Variants in ATAT1 observed in about 807,000 individuals in gnomAD.
The protein encoded by ATAT1 is alpha-tubulin N-acetyltransferase 1.
Under a neutral mutation model 57.2 loss-of-function variants are expected in ATAT1, and 42 were observed. The observed-to-expected ratio is 0.73, with a 90% CI of 0.57 to 0.95. The LOEUF is 0.95. ATAT1 is among the 40% of genes least tolerant of loss of function. The pLI is 0.00. For missense variants in ATAT1, 454 were observed against 523.7 expected (o/e 0.87, Z 1.30); for synonymous variants, 168 against 187.1 (o/e 0.90, Z 0.83).
intron 10 of ATAT1, among the ~76,000 whole-genome samples, chr6:30,645,446 T>C (rs1262347669): frequency 6.6e-6 from 1 of 152,022 alleles, no homozygotes; most frequent in East Asian, 1.9e-4. Context: ...GATCTCCTGA[T>C]CACGTGATCT....
intron 10 of ATAT1, among the ~76,000 whole-genome samples, chr6:30,645,337 T>A (rs1258935709): frequency 1.3e-5 from 2 of 151,934 alleles, no homozygotes; most frequent in East Asian, 3.9e-4. Flanking sequence ...TGCCTTAGCC[T>A]CCCAAGTAGC....
At chr6:30,638,575 G>A (rs1226036513) in intron 6 of ATAT1, among the ~76,000 whole-genome samples, 2 of 140,346 alleles carry the variant, frequency 1.4e-5, no homozygotes, top group African/African-American at 5.2e-5. Context: ...TGGCCCCCGA[G>A]TTTTTTTTTT....
intron 1 of ATAT1, 158 bp from the exon 2 acceptor site, chr6:30,627,302 G>C: frequency 6.2e-7 from 1 of 1,613,654 alleles, no homozygotes; most frequent in African/African-American, 1.3e-5. Flanking sequence ...GTTTCAGAAG[G>C]GTGGGGTGGG....
chr6:30,629,306 C>T (rs56248798), intron 6 of ATAT1, among the ~76,000 whole-genome samples: 3,968 of 150,710 alleles, frequency 0.026, 83 homozygotes, highest in Non-Finnish European at 0.038. Context: ...TGCAGTGGCA[C>T]GATCACAGCT....
chr6:30,637,713 C>T (rs1161470674), intron 6 of ATAT1, among the ~76,000 whole-genome samples: 2 of 151,408 alleles, frequency 1.3e-5, no homozygotes, highest in East Asian at 2.0e-4. Flanking sequence ...CGCATTGGCT[C>T]GCGCCTGTAA....
intron 2 of ATAT1, 55 bp downstream of exon 2, chr6:30,627,575 T>C: frequency 6.2e-7 from 1 of 1,606,592 alleles, no homozygotes; most frequent in Non-Finnish European, 8.5e-7. Flanking sequence ...GGATGGTATA[T>C]AAGGGAGGCC....
intron 6 of ATAT1, among the ~76,000 whole-genome samples, chr6:30,635,599 A>G (rs995690592): frequency 3.9e-5 from 6 of 152,192 alleles, no homozygotes; most frequent in Admixed American, 1.3e-4. Context: ...AAAAAAAAAA[A>G]AAAAGAAAAG....
chr6:30,631,213 G>A (rs1762795350), intron 6 of ATAT1, among the ~76,000 whole-genome samples: 1 of 152,116 alleles, frequency 6.6e-6, no homozygotes, highest in Non-Finnish European at 1.5e-5. Flanking sequence ...GCCGGGCACG[G>A]TGGCTCATGC....
At chr6:30,638,067 C>T (rs1276753550) in intron 6 of ATAT1, among the ~76,000 whole-genome samples, 5 of 151,704 alleles carry the variant, frequency 3.3e-5, no homozygotes, top group Non-Finnish European at 7.4e-5. Flanking sequence ...TTAGTAGAGA[C>T]GGGGTTTCAC....
At chr6:30,641,886 C>T (rs1765528908) in intron 8 of ATAT1, 4 of 1,238,234 alleles carry the variant, frequency 3.2e-6, no homozygotes, top group Non-Finnish European at 1.0e-6. Context: ...AGCTCACTTC[C>T]CTTGGCTGCC....
intron 10 of ATAT1, among the ~76,000 whole-genome samples, chr6:30,645,564 C>A (rs1054743243): frequency 6.6e-6 from 1 of 152,096 alleles, no homozygotes; most frequent in African/African-American, 2.4e-5. Flanking sequence ...AAACCAAACA[C>A]CAGAGTACCC....
rs376794288 is a variant in ATAT1 at position 30,639,004 on chromosome 6, G to A, written c.502-1373G>A. 3.1e-4 allele frequency among the ~76,000 whole-genome samples: 47 copies of A among 152,098 alleles called. 1 individual carries two copies. In the South Asian group the frequency reaches 6.2e-3, roughly 20 times the overall value. On this transcript the variant is annotated intron_variant, in intron 6 of 12. Transcript: ENST00000330083. Reference sequence around the variant, plus strand: ...TATTTATTTATTTATCCTTTGAGACGGAGTCTCATTCTCTTGCCCAGGCTG... The same window carrying A: ...TATTTATTTATTTATCCTTTGAGACAGAGTCTCATTCTCTTGCCCAGGCTG...
intron 10 of ATAT1, among the ~76,000 whole-genome samples, chr6:30,645,450 G>A (rs377381686): frequency 5.4e-4 from 82 of 152,188 alleles, no homozygotes; most frequent in East Asian, 5.2e-3. Context: ...TCCTGATCAC[G>A]TGATCTGCCC....
At chr6:30,646,419 T>C (rs1329198428) in intron 12 of ATAT1, 50 bp from the exon 13 acceptor site, 5 of 1,483,080 alleles carry the variant, frequency 3.4e-6, no homozygotes. Flanking sequence ...GTAATCTTAA[T>C]TTCCTCTTTA....
chr6:30,636,565 G>A (rs1176620708), intron 6 of ATAT1, among the ~76,000 whole-genome samples: 3 of 151,880 alleles, frequency 2.0e-5, no homozygotes, highest in East Asian at 1.9e-4. Context: ...CAGCCTGGGC[G>A]ACAGAGCAAG....
intron 8 of ATAT1, among the ~76,000 whole-genome samples, chr6:30,641,347 A>G (rs762208079): frequency 6.6e-6 from 1 of 152,170 alleles, no homozygotes; most frequent in Non-Finnish European, 1.5e-5. Flanking sequence ...GAGGCACCTC[A>G]ACTCGCTTTG....
chr6:30,643,129 G>T lies in ATAT1; in HGVS notation c.932+118G>T, dbSNP rs570008376. On this transcript the variant is annotated intron_variant, in intron 10 of 12. Coordinates refer to ENST00000330083, the MANE Select transcript of ATAT1 (RefSeq NM_001031722.4). ...TCAATAAGATGGGTGGCTTGGGGGG[G>T]GTCCTGAAACCTTTCAAGAAAAATA... is the stretch of plus-strand genomic sequence containing the variant. The T allele has an allele frequency of 1.7e-4, 257 of 1,511,062 alleles. 8 individuals are homozygous for T. The South Asian group carries it at 3.1e-3, about 18-fold the overall frequency. 93.6% of individuals were successfully genotyped at this position (1,511,062 alleles called of 1,614,324 possible).
At chr6:30,643,771 C>G (rs1766051203) in intron 10 of ATAT1, 2 of 1,375,968 alleles carry the variant, frequency 1.5e-6, no homozygotes, top group Middle Eastern at 2.7e-4. Flanking sequence ...CAAAAGCACC[C>G]CTTCTCTCCT....
At position 30,640,735 on chromosome 6, in the gene ATAT1, C is replaced by T. The variant is rs188822895; in HGVS notation, c.616+132C>T. 2.7e-3 allele frequency: 2,775 copies of T among 1,035,866 alleles called. 17 individuals carry two copies. The highest frequency in any genetic ancestry group is 0.016 in the Middle Eastern group (51 of 3,264). 64.2% of individuals were successfully genotyped at this position (1,035,866 alleles called of 1,614,324 possible). ...CAACCCAAGTCTCCAGCAGTCATGA[C>T]TGTTTGCCTTTGCCCTCATGGGAGC... On this transcript the variant is annotated intron_variant, in intron 8 of 12. Coordinates refer to ENST00000330083, the MANE Select transcript of ATAT1 (RefSeq NM_001031722.4).
Sources: allele counts gnomAD v4.1 joint callset (sites outside exome capture counted in the v4.1 genomes callset), GRCh38; gene constraint gnomAD v4.1.1; transcripts MANE v1.5; gene names NCBI Gene and HGNC (gene_info 2026-07-23, HGNC 2026-07-21).